Variants in TRAPPC9 observed in about 807,000 individuals in gnomAD.
TRAPPC9 encodes the protein trafficking protein particle complex subunit 9.
Under a neutral mutation model 124.0 loss-of-function variants are expected in TRAPPC9, and 83 were observed. That is an observed-to-expected ratio of 0.67 (90% CI 0.56 to 0.80). The LOEUF (loss-of-function observed/expected upper bound fraction) is 0.80. Among genes scored for constraint, TRAPPC9 ranks in the 30% least tolerant of loss-of-function variants. The pLI, the probability that TRAPPC9 is intolerant of heterozygous loss-of-function variation, is 0.00. For missense variants in TRAPPC9, 1,302 were observed against 1,508.3 expected (o/e 0.86, Z 2.27); for synonymous variants, 638 against 617.5 (o/e 1.03, Z -0.49).
rs564479517 is a variant in TRAPPC9 at position 140,090,344 on chromosome 8, C to T, written c.2557-66265G>A. 3.3e-5 allele frequency among the ~76,000 whole-genome samples: 5 copies of T among 152,290 alleles called. No individual in the cohort carries two copies. The East Asian group carries it at 9.7e-4, about 29-fold the overall frequency. ...CCCATGAGCAGCTCCCACAGAAGCC[C>T]TCCTACCGCACGCCACACCTGCTCA... is the stretch of plus-strand genomic sequence containing the variant. On this transcript the variant is annotated intron_variant, in intron 17 of 22. Coordinates refer to ENST00000438773, the MANE Select transcript of TRAPPC9 (RefSeq NM_001160372.4).
intron 17 of TRAPPC9, among the ~76,000 whole-genome samples, chr8:140,155,921 G>C (rs189748322): frequency 9.5e-4 from 145 of 152,266 alleles, no homozygotes; most frequent in African/African-American, 3.3e-3. Context: ...TAACTTGCTT[G>C]GGGAGGCATA....
chr8:140,092,501 T>G (rs941238483), intron 17 of TRAPPC9, among the ~76,000 whole-genome samples: 2 of 152,084 alleles, frequency 1.3e-5, no homozygotes, highest in Non-Finnish European at 2.9e-5. Context: ...GCGGCCACAG[T>G]GCATAGAGCA....
At position 140,402,894 on chromosome 8, in the gene TRAPPC9, GTAA is replaced by G. The variant is rs1489169329; in HGVS notation, c.1008+2680_1008+2682del. Reference sequence around the variant, plus strand: ...CAATACATTGTGGTGCGACAATGAGGTAATGACCTGGAAAAAATAAATTGTATT... The same window carrying G: ...CAATACATTGTGGTGCGACAATGAGGTGACCTGGAAAAAATAAATTGTATT... On this transcript the variant is annotated intron_variant, in intron 6 of 22. Coordinates refer to ENST00000438773, the MANE Select transcript of TRAPPC9 (RefSeq NM_001160372.4). Among the ~76,000 whole-genome samples, 540 of 152,164 alleles carry G rather than the reference GTAA, an allele frequency of 3.5e-3. 5 individuals are homozygous for G. The highest frequency in any genetic ancestry group is 0.012 in the African/African-American group (514 of 41,518).
chr8:139,753,404 C>G (rs1446557200), intron 21 of TRAPPC9, among the ~76,000 whole-genome samples: 2 of 152,214 alleles, frequency 1.3e-5, no homozygotes, highest in Non-Finnish European at 2.9e-5. Context: ...ATCTATCCAT[C>G]CCTCATCTTT....
chr8:139,738,843 G>A lies in TRAPPC9; in HGVS notation c.3056-6641C>T, dbSNP rs1021007604. Among the ~76,000 whole-genome samples the A allele has an allele frequency of 3.3e-5, 5 of 152,140 alleles. 1 individual carries two copies. Among genetic ancestry groups the A allele is most frequent in the South Asian group, 4.1e-4 (2 of 4,830 alleles). On this transcript the variant is annotated intron_variant, in intron 21 of 22. Transcript: ENST00000438773. ...GCGCAGAGCTGGTCCTGGGGCAGAC[G>A]GCACTGGGTAGGGTGCACAGCTCTC...
At chr8:140,434,015 CT>C (rs1481151415) in intron 4 of TRAPPC9, among the ~76,000 whole-genome samples, 1 of 152,174 alleles carries the variant, frequency 6.6e-6, no homozygotes, top group Non-Finnish European at 1.5e-5. Context: ...AGAAGCATAA[CT>C]TTGTAACTTC....
At chr8:140,013,112 T>C (rs1228932702) in intron 18 of TRAPPC9, among the ~76,000 whole-genome samples, 2 of 152,032 alleles carry the variant, frequency 1.3e-5, no homozygotes, top group Non-Finnish European at 2.9e-5. Context: ...CTAAGTGTAA[T>C]GGATAATTAA....
chr8:140,106,515 C>T (rs1280001076), intron 17 of TRAPPC9, among the ~76,000 whole-genome samples: 2 of 152,146 alleles, frequency 1.3e-5, no homozygotes, highest in African/African-American at 2.4e-5. Context: ...GCCTATGGGG[C>T]TGCTGGGATG....
chr8:140,161,738 T>C (rs7015741), intron 17 of TRAPPC9, among the ~76,000 whole-genome samples: 85,801 of 151,778 alleles, frequency 0.57, 24,774 homozygotes, highest in East Asian at 0.99. Context: ...TTCCAGCATA[T>C]CACAGGGCCA....
At chr8:139,937,966 G>C (rs975259527) in intron 19 of TRAPPC9, among the ~76,000 whole-genome samples, 3 of 152,034 alleles carry the variant, frequency 2.0e-5, no homozygotes, top group African/African-American at 4.8e-5. Context: ...CTGAGTCTTC[G>C]GGGATTTGAA....
chr8:140,000,968 A>C (rs1838351640), intron 18 of TRAPPC9, among the ~76,000 whole-genome samples: 1 of 152,208 alleles, frequency 6.6e-6, no homozygotes, highest in Non-Finnish European at 1.5e-5. Context: ...AATAGCAAAG[A>C]CTTGAAATCA....
chr8:139,795,350 C>G (rs11987784), intron 21 of TRAPPC9, among the ~76,000 whole-genome samples: 12,129 of 152,192 alleles, frequency 0.08, 1,604 homozygotes, highest in African/African-American at 0.27. Context: ...TCCCCATGGG[C>G]CCTTCGGGAA....
At chr8:140,049,449 T>C (rs1360356764) in intron 17 of TRAPPC9, among the ~76,000 whole-genome samples, 2 of 152,132 alleles carry the variant, frequency 1.3e-5, no homozygotes, top group Non-Finnish European at 2.9e-5. Context: ...ACTAGGGACC[T>C]GCGGAAGGCA....
intron 16 of TRAPPC9, among the ~76,000 whole-genome samples, chr8:140,231,009 ACT>A (rs2063578821): frequency 6.6e-6 from 1 of 152,222 alleles, no homozygotes; most frequent in Non-Finnish European, 1.5e-5. Flanking sequence ...AGTGACCTGC[ACT>A]GACATCTTTA....
chr8:140,221,557 G>A lies in TRAPPC9; in HGVS notation c.2458C>T (p.Leu820=), dbSNP rs2063339052. ...DDGISVSGFP[L]SSPFRQVVRP... is the part of the protein sequence containing the mutation. ...ACGACCTGCCGAAAAGGACTGGACAGGGGAAAGCCACTCACACTGATTCCA... is the reference window on the plus strand; with the variant it reads ...ACGACCTGCCGAAAAGGACTGGACAAGGGAAAGCCACTCACACTGATTCCA... The change falls in exon 17 of 23, where the codon CTG becomes TTG. Residue 820 remains leucine, a synonymous_variant. Coordinates refer to ENST00000438773, the MANE Select transcript of TRAPPC9 (RefSeq NM_001160372.4). The A allele has an allele frequency of 6.2e-7, 1 of 1,614,146 alleles. No homozygotes were observed. Among genetic ancestry groups the A allele is most frequent in the African/African-American group, 1.3e-5 (1 of 75,052 alleles).
At chr8:140,272,241 TG>T (rs1199114391) in intron 15 of TRAPPC9, among the ~76,000 whole-genome samples, 1 of 35,342 alleles carries the variant, frequency 2.8e-5, no homozygotes, top group Non-Finnish European at 5.3e-5. Flanking sequence ...GTGGTAGTGG[TG>T]GGGGTGGGGG....
At chr8:140,180,317 G>T (rs1312345553) in intron 17 of TRAPPC9, among the ~76,000 whole-genome samples, 2 of 151,764 alleles carry the variant, frequency 1.3e-5, no homozygotes, top group African/African-American at 4.8e-5. Flanking sequence ...TACATATAAT[G>T]TAAGAATCTA....
At chr8:140,400,643 T>G (rs2069232248) in intron 6 of TRAPPC9, among the ~76,000 whole-genome samples, 1 of 152,166 alleles carries the variant, frequency 6.6e-6, no homozygotes, top group Non-Finnish European at 1.5e-5. Context: ...GGAATTTCAT[T>G]CAACTATGCA....
chr8:140,017,455 G>A (rs924322037), intron 18 of TRAPPC9, among the ~76,000 whole-genome samples: 1 of 152,202 alleles, frequency 6.6e-6, no homozygotes, highest in Non-Finnish European at 1.5e-5. Context: ...ACGTCCAGTT[G>A]TTCCAGCATC....
Sources: allele counts gnomAD v4.1 joint callset (sites outside exome capture counted in the v4.1 genomes callset), GRCh38; gene constraint gnomAD v4.1.1; transcripts MANE v1.5; gene names NCBI Gene and HGNC (gene_info 2026-07-23, HGNC 2026-07-21).